Variants in TMEM50B observed in about 807,000 individuals in gnomAD.
TMEM50B encodes the protein HCV p7-trans-regulated protein 3.
Under a neutral mutation model 23.4 loss-of-function variants are expected in TMEM50B, and 14 were observed. The observed-to-expected ratio is 0.60, with a 90% CI of 0.39 to 0.93. TMEM50B has a LOEUF of 0.93. Ranked by LOEUF, TMEM50B falls within the 40% of genes least tolerant of loss-of-function variation. TMEM50B has a pLI of 0.00. For missense variants in TMEM50B, 159 were observed against 193.0 expected (o/e 0.82, Z 1.04); for synonymous variants, 64 against 62.3 (o/e 1.03, Z -0.13).
downstream of TMEM50B, chr21:33,448,762 C>T (rs2084089458): frequency 6.6e-6 from 1 of 152,080 alleles, no homozygotes. Flanking sequence ...TTTTAATTAA[C>T]CAGACATAAT....
At chr21:33,468,199 T>C (rs774799421) in intron 2 of TMEM50B, among the ~76,000 whole-genome samples, 2 of 151,962 alleles carry the variant, frequency 1.3e-5, no homozygotes, top group African/African-American at 2.4e-5. Flanking sequence ...GGAATCTTTA[T>C]ACCATTCTCT....
chr21:33,433,093 C>T (rs1252809135), intron 8 of TMEM50B, among the ~76,000 whole-genome samples: 1 of 152,064 alleles, frequency 6.6e-6, no homozygotes, highest in African/African-American at 2.4e-5. Context: ...GCTATGTTGG[C>T]CAGACTGGTC....
chr21:33,455,580 G>T, intron 6 of TMEM50B, 147 bp downstream of exon 6: 1 of 699,782 alleles, frequency 1.4e-6, no homozygotes, highest in Non-Finnish European at 2.5e-6. Context: ...CTGCTCTTAT[G>T]TAACAGTGGA....
At chr21:33,437,362 AC>A (rs1364911671) in intron 8 of TMEM50B, 1 of 206,210 alleles carries the variant, frequency 4.8e-6, no homozygotes, top group East Asian at 1.3e-4. Flanking sequence ...GGCAGGTCAC[AC>A]AACCTGTCCC....
At chr21:33,451,388 G>A (rs780151639) in intron 6 of TMEM50B, among the ~76,000 whole-genome samples, 2 of 152,122 alleles carry the variant, frequency 1.3e-5, no homozygotes, top group African/African-American at 4.8e-5. Context: ...GCTCCCTAAT[G>A]GAGCTAAGGG....
chr21:33,458,976 A>G (rs2084193557), intron 5 of TMEM50B, among the ~76,000 whole-genome samples: 1 of 152,228 alleles, frequency 6.6e-6, no homozygotes, highest in Non-Finnish European at 1.5e-5. Flanking sequence ...TGATCAAACT[A>G]TGAGACTTAA....
At chr21:33,444,365 T>C (rs1027309977), downstream of TMEM50B, among the ~76,000 whole-genome samples, 28 of 152,222 alleles carry the variant, frequency 1.8e-4, no homozygotes, top group African/African-American at 6.0e-4. Flanking sequence ...CTGGGCAACA[T>C]GGTGAAACCG....
chr21:33,475,580 T>A (rs2084362069), intron 1 of TMEM50B, among the ~76,000 whole-genome samples: 1 of 152,000 alleles, frequency 6.6e-6, no homozygotes, highest in South Asian at 2.1e-4. Context: ...ACTCCTGACC[T>A]CGTGATCCAC....
At chr21:33,461,329 G>T (rs1195285484) in intron 4 of TMEM50B, among the ~76,000 whole-genome samples, 9 of 152,126 alleles carry the variant, frequency 5.9e-5, no homozygotes. Context: ...ACTGATCAAA[G>T]TTCATAATGG....
chr21:33,473,457 GAAAAAAAAA>G (rs35814774), intron 1 of TMEM50B, among the ~76,000 whole-genome samples: 7 of 84,856 alleles, frequency 8.2e-5, no homozygotes, highest in Non-Finnish European at 1.3e-4. Context: ...TGTCTCGGAA[GAAAAAAAAA>G]AAAAAAAAAA....
At chr21:33,457,737 T>A (rs1310486870) in intron 5 of TMEM50B, among the ~76,000 whole-genome samples, 1 of 151,884 alleles carries the variant, frequency 6.6e-6, no homozygotes, top group Non-Finnish European at 1.5e-5. Flanking sequence ...TGGCAATTTA[T>A]CCCTATTTTC....
chr21:33,453,182 C>T (rs903681625), intron 6 of TMEM50B, among the ~76,000 whole-genome samples: 8 of 149,808 alleles, frequency 5.3e-5, no homozygotes, highest in African/African-American at 1.5e-4. Flanking sequence ...CTCAGCCTCC[C>T]GGGTTCAAGT....
intron 1 of TMEM50B, chr21:33,479,142 T>C (rs2084402477): frequency 4.5e-6 from 1 of 220,642 alleles, no homozygotes; most frequent in African/African-American, 2.3e-5. Flanking sequence ...CTTACTGTTT[T>C]AAGTACCTTT....
chr21:33,460,068 G>A (rs984478694), intron 5 of TMEM50B, among the ~76,000 whole-genome samples: 2 of 152,114 alleles, frequency 1.3e-5, no homozygotes, highest in Non-Finnish European at 2.9e-5. Flanking sequence ...TGTATATAAG[G>A]GAGTGTACAC....
intron 6 of TMEM50B, among the ~76,000 whole-genome samples, chr21:33,453,878 CA>C (rs1449444061): frequency 1.3e-5 from 2 of 151,870 alleles, no homozygotes; most frequent in Non-Finnish European, 2.9e-5. Context: ...CTGAGGTGGG[CA>C]GATCACTTGA....
intron 6 of TMEM50B, among the ~76,000 whole-genome samples, chr21:33,453,320 C>A (rs1170675684): frequency 6.6e-6 from 1 of 151,968 alleles, no homozygotes; most frequent in Non-Finnish European, 1.5e-5. Flanking sequence ...GAACTCCTGA[C>A]CTCAAGTGAT....
intron 7 of TMEM50B, among the ~76,000 whole-genome samples, chr21:33,440,852 A>G (rs1274607478): frequency 6.6e-6 from 1 of 151,910 alleles, no homozygotes; most frequent in East Asian, 1.9e-4. Flanking sequence ...ACTGCACTCC[A>G]CCTGGGCGAC....
At chr21:33,445,248 G>A (rs1211382202), downstream of TMEM50B, among the ~76,000 whole-genome samples, 3 of 152,198 alleles carry the variant, frequency 2.0e-5, no homozygotes. Flanking sequence ...TAATCCATGA[G>A]GGTCTAGGCA....
intron 1 of TMEM50B, chr21:33,478,940 G>A: frequency 2.4e-6 from 1 of 413,956 alleles, no homozygotes; most frequent in Non-Finnish European, 4.9e-6. Flanking sequence ...AGAAAATCGG[G>A]TCTTACAGCG....
Sources: gnomAD v4.1 joint callset for allele counts (sites outside exome capture counted in the v4.1 genomes callset) on GRCh38, gnomAD v4.1.1 for gene constraint, MANE v1.5 for transcripts, NCBI Gene and HGNC (gene_info 2026-07-23, HGNC 2026-07-21) for gene names.